Variants in SCGB2B2 observed in about 807,000 individuals in gnomAD.
SCGB2B2 encodes the protein secretoglobin family 2B member 2, also known as secretoglobin-like protein.
A neutral mutation model predicts 7.6 loss-of-function variants in SCGB2B2; 11 were observed. That is an observed-to-expected ratio of 1.45 (90% CI 0.91 to 2.40). SCGB2B2 has a LOEUF of 2.40. Ranked by LOEUF, SCGB2B2 falls within the 30% of genes most tolerant of loss-of-function variation. SCGB2B2 has a pLI of 0.00. For synonymous variants in SCGB2B2, 50 were observed against 48.6 expected (o/e 1.03, Z -0.12); for missense variants, 104 against 115.4 (o/e 0.90, Z 0.45).
intron 1 of SCGB2B2, among the ~76,000 whole-genome samples, chr19:34,663,410 G>C (rs1464000138): frequency 6.6e-6 from 1 of 152,218 alleles, no homozygotes; most frequent in Admixed American, 6.5e-5. Flanking sequence ...AATGTGGATT[G>C]ATAGCAACAG....
At chr19:34,667,679 A>C (rs183118768) in intron 1 of SCGB2B2, among the ~76,000 whole-genome samples, 1,994 of 152,096 alleles carry the variant, frequency 0.013, 31 homozygotes, top group South Asian at 0.074. Context: ...TTTGTTGCTT[A>C]ATTCTTTCTT....
intron 3 of SCGB2B2, 72 bp downstream of exon 3, chr19:34,594,103 G>A (rs767735247): frequency 3.1e-5 from 38 of 1,223,624 alleles, no homozygotes; most frequent in Non-Finnish European, 4.2e-5. Flanking sequence ...AGGATGGAAG[G>A]CAAGTGCAGG....
At position 34,594,375 on chromosome 19, in the gene SCGB2B2, T is replaced by C. The variant is rs773640929; in HGVS notation, c.62-16A>G. The C allele has an allele frequency of 1.2e-6, 2 of 1,611,202 alleles. No individual in the cohort carries two copies. The highest frequency in any genetic ancestry group is 4.5e-5 in the East Asian group (2 of 44,768). On this transcript the variant is annotated splice_polypyrimidine_tract_variant and intron_variant, in intron 2 of 3. Coordinates refer to ENST00000601241, the MANE Select transcript of SCGB2B2 (RefSeq NM_001025591.4). ...CAGGCATCCCCTGTGGAGGATGAGGTGAGATAAGAAAACAGAGGAGGTCAG... is the reference window on the plus strand; with the variant it reads ...CAGGCATCCCCTGTGGAGGATGAGGCGAGATAAGAAAACAGAGGAGGTCAG...
chr19:34,589,382 C>T (rs1410978953), downstream of SCGB2B2, among the ~76,000 whole-genome samples: 1 of 152,054 alleles, frequency 6.6e-6, no homozygotes, highest in African/African-American at 2.4e-5. Flanking sequence ...TTGGTGGGAG[C>T]CTGGCAGAGG....
In SCGB2B2 at chr19:34,594,883, A is replaced by G. The variant is rs1454558403; in HGVS notation, c.-320T>C. ...AGGCTGAACACTGGTGTAAGCCTGC[A>G]AGTCTGAGTGTGCATGCACATGTGA... On this transcript the variant is annotated 5_prime_UTR_variant, in exon 2 of 4. Transcript: ENST00000601241. 2.5e-6 allele frequency: 1 copy of G among 404,900 alleles called. No homozygotes were observed. Among genetic ancestry groups the G allele is most frequent in the Non-Finnish European group, 4.7e-6 (1 of 214,092 alleles). The allele number at this position is 404,900 out of a possible 1,614,324, so 25.1% of individuals were successfully genotyped here.
intron 1 of SCGB2B2, among the ~76,000 whole-genome samples, chr19:34,656,992 G>A (rs2067301078): frequency 6.6e-6 from 1 of 151,110 alleles, no homozygotes; most frequent in South Asian, 2.1e-4. Flanking sequence ...GAAGATTGAG[G>A]AGGAAAAAGC....
chr19:34,662,504 AACACAC>A (rs10634972), intron 1 of SCGB2B2, among the ~76,000 whole-genome samples: 12 of 149,348 alleles, frequency 8.0e-5, no homozygotes, highest in East Asian at 3.9e-4. Context: ...TTTTTTAAAC[AACACAC>A]ACACACACAC....
chr19:34,605,738 C>T (rs939093892), intron 1 of SCGB2B2, among the ~76,000 whole-genome samples: 6 of 152,056 alleles, frequency 3.9e-5, no homozygotes, highest in African/African-American at 1.4e-4. Context: ...CAGGCATGCA[C>T]CACCATGTCT....
chr19:34,645,961 T>C (rs1267731974), intron 1 of SCGB2B2: 6 of 301,926 alleles, frequency 2.0e-5, no homozygotes, highest in Non-Finnish European at 3.3e-5. Context: ...AAGCGGGAGC[T>C]TGCTCAATAC....
chr19:34,615,561 C>A (rs1484769803), intron 1 of SCGB2B2, among the ~76,000 whole-genome samples: 2 of 151,228 alleles, frequency 1.3e-5, no homozygotes, highest in East Asian at 1.9e-4. Flanking sequence ...TATTCATATT[C>A]ATACTGTCTT....
intron 1 of SCGB2B2, among the ~76,000 whole-genome samples, chr19:34,628,539 C>A (rs1348140522): frequency 6.6e-6 from 1 of 151,886 alleles, no homozygotes; most frequent in Non-Finnish European, 1.5e-5. Context: ...AATTCCTGGA[C>A]ACATACACCC....
intron 3 of SCGB2B2, 32 bp downstream of exon 3, chr19:34,594,143 T>C: frequency 6.4e-7 from 1 of 1,566,740 alleles, no homozygotes. Context: ...TGTGGCCATG[T>C]AGTGTGTGCA....
intron 1 of SCGB2B2, among the ~76,000 whole-genome samples, chr19:34,620,837 C>A (rs112574029): frequency 0.019 from 2,962 of 152,054 alleles, 45 homozygotes; most frequent in East Asian, 0.066. Context: ...TCAAAAGTTA[C>A]AAAAATACTT....
intron 1 of SCGB2B2, among the ~76,000 whole-genome samples, chr19:34,638,499 C>G (rs1417914562): frequency 6.7e-6 from 1 of 149,692 alleles, no homozygotes; most frequent in African/African-American, 2.5e-5. Context: ...ACAATGACAA[C>G]AACAAAAACA....
chr19:34,585,750 G>GCCA (rs1441493029), downstream of SCGB2B2, among the ~76,000 whole-genome samples: 1 of 152,140 alleles, frequency 6.6e-6, no homozygotes, highest in Non-Finnish European at 1.5e-5. Context: ...TCTGGATGGG[G>GCCA]CCACAGGAGT....
chr19:34,605,350 A>G (rs2065747954), intron 1 of SCGB2B2, among the ~76,000 whole-genome samples: 1 of 152,180 alleles, frequency 6.6e-6, no homozygotes, highest in African/African-American at 2.4e-5. Flanking sequence ...CTTCCACTAC[A>G]GTAGAGATGT....
intron 1 of SCGB2B2, among the ~76,000 whole-genome samples, chr19:34,631,691 A>T (rs1299219649): frequency 1.3e-5 from 2 of 152,184 alleles, no homozygotes; most frequent in Non-Finnish European, 2.9e-5. Flanking sequence ...ATTCTCTTCA[A>T]ATTGATATAC....
intron 1 of SCGB2B2, among the ~76,000 whole-genome samples, chr19:34,643,359 C>A (rs554521577): frequency 1.4e-4 from 21 of 152,130 alleles, no homozygotes; most frequent in African/African-American, 4.8e-4. Flanking sequence ...TGTGTGGGAG[C>A]TAGAAAAGTT....
chr19:34,615,030 C>T (rs1254867597), intron 1 of SCGB2B2, among the ~76,000 whole-genome samples: 1 of 152,180 alleles, frequency 6.6e-6, no homozygotes, highest in Non-Finnish European at 1.5e-5. Flanking sequence ...GTAACAGCTG[C>T]TCAAAGCTCA....
Sources: allele counts gnomAD v4.1 joint callset (sites outside exome capture counted in the v4.1 genomes callset), GRCh38; gene constraint gnomAD v4.1.1; transcripts MANE v1.5; gene names NCBI Gene and HGNC (gene_info 2026-07-23, HGNC 2026-07-21).